Variants in ST3GAL3 observed in about 807,000 individuals in gnomAD.
The protein encoded by ST3GAL3 is CMP-N-acetylneuraminate-beta-1,4-galactoside alpha-2,3-sialyltransferase.
In ST3GAL3, 21 loss-of-function variants were observed where a neutral mutation model predicts 50.1. The ratio of observed to expected loss-of-function variants is 0.42; its 90% confidence interval spans 0.30 to 0.60. ST3GAL3 has a LOEUF of 0.60. Among genes scored for constraint, ST3GAL3 ranks in the 20% least tolerant of loss-of-function variants. ST3GAL3 has a pLI of 0.19. For missense variants in ST3GAL3, 353 were observed against 489.4 expected, an observed-to-expected ratio of 0.72 and a Z score of 2.63; for synonymous variants, 183 against 190.0, an observed-to-expected ratio of 0.96 and a Z score of 0.30.
intron 5 of ST3GAL3, among the ~76,000 whole-genome samples, chr1:43,859,142 C>A (rs1411489201): frequency 1.3e-5 from 2 of 152,178 alleles, no homozygotes; most frequent in African/African-American, 4.8e-5. Context: ...CCTCTGTTCT[C>A]AGGAGTTCCT....
At chr1:43,807,414 T>C (rs1558387650) in intron 3 of ST3GAL3, among the ~76,000 whole-genome samples, 1 of 23,180 alleles carries the variant, frequency 4.3e-5, no homozygotes, top group African/African-American at 1.7e-4. Flanking sequence ...AGACTCTGTC[T>C]CAAAAATAAA....
At chr1:43,890,816 T>C (rs2076587709) in intron 5 of ST3GAL3, among the ~76,000 whole-genome samples, 1 of 152,006 alleles carries the variant, frequency 6.6e-6, no homozygotes, top group Non-Finnish European at 1.5e-5. Context: ...CCCAGGAGTT[T>C]GGGATTACAG....
At chr1:43,815,883 T>TGGGATGGA (rs372282984) in intron 4 of ST3GAL3, among the ~76,000 whole-genome samples, 1 of 145,282 alleles carries the variant, frequency 6.9e-6, no homozygotes, top group Non-Finnish European at 1.5e-5. Context: ...GAATGCTTGG[T>TGGGATGGA]TGGATGGATG....
chr1:43,713,673 GGCACTCACGCACCA>G (rs1417395648), intron 1 of ST3GAL3, among the ~76,000 whole-genome samples: 2 of 151,780 alleles, frequency 1.3e-5, no homozygotes, highest in Non-Finnish European at 2.9e-5. Context: ...TGGTACCACA[GGCACTCACGCACCA>G]CCACGCCCAG....
intron 3 of ST3GAL3, among the ~76,000 whole-genome samples, chr1:43,806,542 A>G (rs2059907893): frequency 6.6e-6 from 1 of 152,162 alleles, no homozygotes; most frequent in South Asian, 2.1e-4. Flanking sequence ...GCCATCATTT[A>G]AAAACAAGAA....
At position 43,899,904 on chromosome 1, in the gene ST3GAL3, C is replaced by T. The variant is rs1007901513; in HGVS notation, c.744+177C>T. ...GGGGCAAAGAGGTCAGGAGATTGCCCGGGTTACTGGCCAAACTCCAGGAGC... is the reference window on the plus strand; with the variant it reads ...GGGGCAAAGAGGTCAGGAGATTGCCTGGGTTACTGGCCAAACTCCAGGAGC... On this transcript the variant is annotated intron_variant, in intron 9 of 11. Coordinates refer to ENST00000347631, the MANE Select transcript of ST3GAL3 (RefSeq NM_006279.5). The surrounding 1 kb of genome is among the most constrained non-coding windows in gnomAD (Gnocchi z 5.4). Among the ~76,000 whole-genome samples, 6 of 152,160 alleles carry T rather than the reference C, an allele frequency of 3.9e-5. No homozygotes were observed. Among genetic ancestry groups the T allele is most frequent in the East Asian group, 1.9e-4 (1 of 5,192 alleles).
At chr1:43,843,200 G>A (rs770164342) in intron 5 of ST3GAL3, among the ~76,000 whole-genome samples, 42 of 152,212 alleles carry the variant, frequency 2.8e-4, no homozygotes, top group Non-Finnish European at 5.0e-4. Context: ...CCATTATGGT[G>A]TTAGCTGTAG....
Position 43,930,378 on chromosome 1 carries a change from G to A in ST3GAL3, c.*157G>A. ...CAGCCAGAGCTGTGCCTGCTCAGCA[G>A]CCAGTCTCAGAGACCAGCACTCAGC... On this transcript the variant is annotated 3_prime_UTR_variant, in exon 12 of 12. Transcript: ENST00000347631. 2 of 729,062 alleles carry A rather than the reference G, an allele frequency of 2.7e-6. No individual in the cohort carries two copies. Among genetic ancestry groups the A allele is most frequent in the Non-Finnish European group, 4.9e-6 (2 of 410,036 alleles). 45.2% of individuals were successfully genotyped at this position (729,062 alleles called of 1,614,324 possible). A position where few individuals can be genotyped will look rare whatever the true frequency, so the allele number is the denominator to read the frequency against.
At chr1:43,867,856 T>C (rs1224727553) in intron 5 of ST3GAL3, among the ~76,000 whole-genome samples, 1 of 152,030 alleles carries the variant, frequency 6.6e-6, no homozygotes, top group Non-Finnish European at 1.5e-5. Flanking sequence ...TATATAAGGG[T>C]TGAATAGGAT....
At chr1:43,881,423 G>A (rs534719184) in intron 5 of ST3GAL3, among the ~76,000 whole-genome samples, 9 of 152,362 alleles carry the variant, frequency 5.9e-5, no homozygotes, top group African/African-American at 9.6e-5. Context: ...CCGTGCCTTT[G>A]GGCTTTGGGT....
intron 1 of ST3GAL3, among the ~76,000 whole-genome samples, chr1:43,731,680 A>C (rs1288902842): frequency 6.7e-6 from 1 of 150,194 alleles, no homozygotes; most frequent in African/African-American, 2.5e-5. Context: ...TGTAGGCGTG[A>C]GCCACTGCGC....
chr1:43,833,722 C>T (rs1388086953), intron 4 of ST3GAL3, among the ~76,000 whole-genome samples: 2 of 152,030 alleles, frequency 1.3e-5, no homozygotes, highest in African/African-American at 4.8e-5. Context: ...AAGGGGAAGG[C>T]GGTAGGAGAA....
At chr1:43,715,330 T>G (rs1377533762) in intron 1 of ST3GAL3, among the ~76,000 whole-genome samples, 1 of 152,086 alleles carries the variant, frequency 6.6e-6, no homozygotes, top group East Asian at 1.9e-4. Context: ...TCCCAGCACT[T>G]TGGGAGGCTG....
Position 43,899,740 on chromosome 1 carries a change from G to A in ST3GAL3, c.744+13G>A. On this transcript the variant is annotated intron_variant, in intron 9 of 11. Coordinates refer to ENST00000347631, the MANE Select transcript of ST3GAL3 (RefSeq NM_006279.5). This position sits in a 1 kb window ranked among gnomAD's most constrained non-coding sequence, Gnocchi z 5.4. ...CAAGGAGAGAGTGGTAAGCTCTCCT[G>A]GCACCAGCTTCTTCCCCTCTTGCCC... 6.2e-7 allele frequency: 1 copy of A among 1,610,660 alleles called. No individual in the cohort carries two copies. The highest frequency in any genetic ancestry group is 8.5e-7 in the Non-Finnish European group (1 of 1,177,136).
At chr1:43,781,495 C>T (rs572713161) in intron 2 of ST3GAL3, among the ~76,000 whole-genome samples, 82 of 151,800 alleles carry the variant, frequency 5.4e-4, no homozygotes, top group Non-Finnish European at 9.6e-4. Context: ...CCTCTAATCC[C>T]AGCTACTTGG....
At chr1:43,906,749 T>C (rs1399645031) in intron 9 of ST3GAL3, among the ~76,000 whole-genome samples, 1 of 152,228 alleles carries the variant, frequency 6.6e-6, no homozygotes, top group Non-Finnish European at 1.5e-5. Context: ...TCATTATCAT[T>C]ATAGCTGTCA....
chr1:43,753,177 A>C (rs2154112823), intron 2 of ST3GAL3, among the ~76,000 whole-genome samples: 1 of 152,358 alleles, frequency 6.6e-6, no homozygotes, highest in Non-Finnish European at 1.5e-5. Flanking sequence ...CTGATAACAG[A>C]GTATATTCCA....
At chr1:43,890,510 A>G (rs2154264072) in intron 5 of ST3GAL3, among the ~76,000 whole-genome samples, 1 of 152,338 alleles carries the variant, frequency 6.6e-6, no homozygotes, top group East Asian at 1.9e-4. Context: ...GAATCATTCA[A>G]GGCATAGAAA....
intron 9 of ST3GAL3, among the ~76,000 whole-genome samples, chr1:43,917,513 ATAAT>A (rs2082104565): frequency 1.4e-5 from 1 of 72,692 alleles, no homozygotes; most frequent in Non-Finnish European, 2.6e-5. Flanking sequence ...ATTATATAAT[ATAAT>A]ATATATTATA....
Sources: gnomAD v4.1 joint callset for allele counts (sites outside exome capture counted in the v4.1 genomes callset) on GRCh38, gnomAD v4.1.1 for gene constraint, Gnocchi (gnomAD v3.1) non-coding constraint, MANE v1.5 for transcripts, NCBI Gene and HGNC (gene_info 2026-07-23, HGNC 2026-07-21) for gene names.